Variants in CFAP221 observed in about 807,000 individuals in gnomAD.
CFAP221 encodes cilia- and flagella-associated protein 221.
In CFAP221, 97 loss-of-function variants were observed where a neutral mutation model predicts 113.1. That is an observed-to-expected ratio of 0.86 (90% CI 0.73 to 1.02). The LOEUF (loss-of-function observed/expected upper bound fraction) is 1.02. CFAP221 is among the 50% of genes least tolerant of loss of function. CFAP221 has a pLI of 0.00. For synonymous variants in CFAP221, 331 were observed against 354.4 expected, an observed-to-expected ratio of 0.93 and a Z score of 0.74; for missense variants, 1,025 against 1,013.4, an observed-to-expected ratio of 1.01 and a Z score of -0.16.
chr2:119,572,743 G>A, intron 6 of CFAP221: 1 of 553,304 alleles, frequency 1.8e-6, no homozygotes, highest in Non-Finnish European at 3.3e-6. Flanking sequence ...CTGTGGATCT[G>A]GTGGCTGAAG....
intron 12 of CFAP221, 117 bp from the exon 13 acceptor site, chr2:119,611,536 A>G (rs1685166852): frequency 2.6e-6 from 2 of 774,672 alleles, no homozygotes; most frequent in Non-Finnish European, 4.2e-6. Context: ...ACCACTTCCA[A>G]TGGGAACGTC....
At position 119,655,383 on chromosome 2, in the gene CFAP221, G is replaced by A. The variant is rs551188346; in HGVS notation, c.2415-979G>A. On this transcript the variant is annotated intron_variant, in intron 23 of 23. Transcript: ENST00000413369. ...GGGAGACAGGATCTATATATTTTTA[G>A]ACATGATTCCATAAAATGGTACCAA... Among the ~76,000 whole-genome samples the A allele has an allele frequency of 2.0e-5, 3 of 152,184 alleles. No individual in the cohort carries two copies. The East Asian group carries it at 5.8e-4, about 29-fold the overall frequency.
chr2:119,653,500 A>T (rs1370545650), intron 23 of CFAP221, among the ~76,000 whole-genome samples: 1 of 152,216 alleles, frequency 6.6e-6, no homozygotes, highest in Non-Finnish European at 1.5e-5. Context: ...CATACTTATA[A>T]ATATACATAT....
In CFAP221 at chr2:119,584,977, T is replaced by A. The variant is rs1487630751; in HGVS notation, c.528-2142T>A. ...AGCTCTACTGCAGGTGCATGTGGAG[T>A]CATGCAGTAGGATCTTCACTGCCAC... On this transcript the variant is annotated intron_variant, in intron 6 of 23. Transcript: ENST00000413369. Among the ~76,000 whole-genome samples the A allele has an allele frequency of 2.6e-5, 4 of 152,044 alleles. No individual in the cohort carries two copies. In the East Asian group the frequency reaches 7.7e-4, roughly 29 times the overall value.
In CFAP221 at chr2:119,631,116, T is replaced by A. The variant is rs144869272; in HGVS notation, c.1974+215T>A. On this transcript the variant is annotated intron_variant, in intron 19 of 23. Coordinates refer to ENST00000413369, the MANE Select transcript of CFAP221 (RefSeq NM_001271049.2). ...ATTCCTGCATTTTTAATGAAAATAA[T>A]TTTATGATCTTTTCTAAATATCTAT... 915 of 1,203,874 alleles carry A rather than the reference T, an allele frequency of 7.6e-4. 7 individuals are homozygous for A. In the African/African-American group the frequency reaches 0.013, roughly 17 times the overall value. 74.6% of individuals were successfully genotyped at this position (1,203,874 alleles called of 1,614,324 possible).
At chr2:119,572,199 T>C (rs148951724) in intron 6 of CFAP221, among the ~76,000 whole-genome samples, 324 of 152,358 alleles carry the variant, frequency 2.1e-3, no homozygotes, top group African/African-American at 7.6e-3. Context: ...TGAGGTCTGG[T>C]AAAATGTATT....
chr2:119,628,106 C>G (rs1033781413), intron 16 of CFAP221, among the ~76,000 whole-genome samples: 4 of 152,180 alleles, frequency 2.6e-5, no homozygotes, highest in Non-Finnish European at 5.9e-5. Context: ...CCGAGAGGGC[C>G]CCACCTGGCC....
At chr2:119,567,718 A>T (rs1681749325) in intron 6 of CFAP221, among the ~76,000 whole-genome samples, 1 of 152,266 alleles carries the variant, frequency 6.6e-6, no homozygotes, top group Non-Finnish European at 1.5e-5. Flanking sequence ...AAATGTCTAC[A>T]GTGATCTACT....
At chr2:119,583,478 A>T (rs1682988148) in intron 6 of CFAP221, among the ~76,000 whole-genome samples, 1 of 150,772 alleles carries the variant, frequency 6.6e-6, no homozygotes, top group Non-Finnish European at 1.5e-5. Flanking sequence ...AGACTGTACA[A>T]TTTTTTACAT....
At chr2:119,640,221 A>AT (rs5833798) in intron 21 of CFAP221, among the ~76,000 whole-genome samples, 1 of 151,264 alleles carries the variant, frequency 6.6e-6, no homozygotes, top group Non-Finnish European at 1.5e-5. Context: ...AAACAAAAAA[A>AT]AAAAAGGAAA....
intron 6 of CFAP221, among the ~76,000 whole-genome samples, chr2:119,571,109 C>G (rs1682008942): frequency 6.6e-6 from 1 of 150,640 alleles, no homozygotes; most frequent in Admixed American, 6.6e-5. Context: ...TGTGGTTACA[C>G]CGTTAAATTA....
At chr2:119,588,197 G>A (rs1174424171) in intron 7 of CFAP221, among the ~76,000 whole-genome samples, 1 of 152,100 alleles carries the variant, frequency 6.6e-6, no homozygotes, top group African/African-American at 2.4e-5. Context: ...CCCTCTGATG[G>A]TCCATAATTC....
intron 3 of CFAP221, chr2:119,556,913 G>GCCC (rs1223286944): frequency 6.6e-6 from 1 of 152,118 alleles, no homozygotes; most frequent in Non-Finnish European, 1.5e-5. Flanking sequence ...ATTCTAGCAT[G>GCCC]CCCCCTTCAT....
chr2:119,586,868 G>A (rs1683261189), intron 6 of CFAP221: 1 of 349,952 alleles, frequency 2.9e-6, no homozygotes, highest in African/African-American at 2.1e-5. Flanking sequence ...ACCTTGTGTG[G>A]AACACTTACC....
At chr2:119,597,202 T>C (rs1574089420) in intron 7 of CFAP221, among the ~76,000 whole-genome samples, 1 of 152,198 alleles carries the variant, frequency 6.6e-6, no homozygotes, top group African/African-American at 2.4e-5. Context: ...CTTTAAGCCT[T>C]GTCTCATTTT....
At chr2:119,549,334 C>A (rs1296589735) in intron 3 of CFAP221, 149 bp downstream of exon 3, 6 of 633,544 alleles carry the variant, frequency 9.5e-6, no homozygotes, top group Non-Finnish European at 1.5e-5. Context: ...TGATGAGAAA[C>A]TTTAAGGTTG....
intron 7 of CFAP221, among the ~76,000 whole-genome samples, chr2:119,599,798 T>C (rs2104657497): frequency 6.6e-6 from 1 of 152,330 alleles, no homozygotes; most frequent in Middle Eastern, 3.4e-3. Context: ...TGTCCCCCAC[T>C]AGAATGTAAA....
At chr2:119,597,684 G>A (rs972269500) in intron 7 of CFAP221, among the ~76,000 whole-genome samples, 1 of 152,162 alleles carries the variant, frequency 6.6e-6, no homozygotes, top group Non-Finnish European at 1.5e-5. Context: ...ACTCCACAGG[G>A]TGGGAGCCGG....
intron 3 of CFAP221, among the ~76,000 whole-genome samples, chr2:119,550,331 A>G (rs1473767544): frequency 1.3e-5 from 2 of 152,330 alleles, no homozygotes; most frequent in Non-Finnish European, 2.9e-5. Context: ...AGGTATCGGG[A>G]AGGAAATTTC....
Sources: gnomAD v4.1 joint callset for allele counts (sites outside exome capture counted in the v4.1 genomes callset) on GRCh38, gnomAD v4.1.1 for gene constraint, MANE v1.5 for transcripts, NCBI Gene and HGNC (gene_info 2026-07-23, HGNC 2026-07-21) for gene names.